Variants in EXOC4 observed in about 807,000 individuals in gnomAD.
The protein encoded by EXOC4 is exocyst complex component 4.
A neutral mutation model predicts 107.2 loss-of-function variants in EXOC4; 71 were observed. That is an observed-to-expected ratio of 0.66 (90% CI 0.55 to 0.81). EXOC4 has a LOEUF of 0.81. Among genes scored for constraint, EXOC4 ranks in the 30% least tolerant of loss-of-function variants. The probability of loss-of-function intolerance (pLI) is 0.00; values close to 1 mark genes in which losing one functional copy is unlikely to be tolerated. For synonymous variants in EXOC4, 456 were observed against 441.2 expected (o/e 1.03, Z -0.42); for missense variants, 1,108 against 1,189.6 (o/e 0.93, Z 1.01).
chr7:133,448,889 G>A (rs1328043969), intron 7 of EXOC4, among the ~76,000 whole-genome samples: 1 of 152,126 alleles, frequency 6.6e-6, no homozygotes, highest in Non-Finnish European at 1.5e-5. Flanking sequence ...TGGATCACTT[G>A]AGGTCAAGAG....
At chr7:133,606,782 C>G (rs1338173034) in intron 9 of EXOC4, among the ~76,000 whole-genome samples, 1 of 152,046 alleles carries the variant, frequency 6.6e-6, no homozygotes, top group African/African-American at 2.4e-5. Context: ...TCCCAAAGTG[C>G]TAGGATTATA....
intron 10 of EXOC4, among the ~76,000 whole-genome samples, chr7:133,680,448 C>T (rs138324201): frequency 1.3e-5 from 2 of 152,246 alleles, no homozygotes; most frequent in African/African-American, 2.4e-5. Context: ...ACATAAATCT[C>T]CAGAAAAGCT....
At chr7:133,802,421 A>G (rs972780821) in intron 10 of EXOC4, among the ~76,000 whole-genome samples, 2 of 152,216 alleles carry the variant, frequency 1.3e-5, no homozygotes, top group Non-Finnish European at 2.9e-5. Context: ...CACAGCTTAC[A>G]TATGGTCAGT....
At chr7:133,688,526 C>G (rs945957641) in intron 10 of EXOC4, among the ~76,000 whole-genome samples, 2 of 152,050 alleles carry the variant, frequency 1.3e-5, no homozygotes, top group African/African-American at 4.8e-5. Flanking sequence ...TTATATTAGT[C>G]ATTAGTATTC....
chr7:133,742,597 G>C (rs1795589030), intron 10 of EXOC4, among the ~76,000 whole-genome samples: 2 of 152,156 alleles, frequency 1.3e-5, no homozygotes, highest in Non-Finnish European at 2.9e-5. Flanking sequence ...ATATCCTGCA[G>C]CAAGAAAACC....
intron 14 of EXOC4, among the ~76,000 whole-genome samples, chr7:133,976,603 A>G (rs554213525): frequency 3.3e-5 from 5 of 152,322 alleles, no homozygotes; most frequent in Admixed American, 6.5e-5. Flanking sequence ...AGGAGCCAAC[A>G]TGGTTCACAA....
chr7:133,482,777 A>T (rs1799186316), intron 9 of EXOC4, among the ~76,000 whole-genome samples: 1 of 152,204 alleles, frequency 6.6e-6, no homozygotes, highest in Admixed American at 6.5e-5. Context: ...CATATAGTGA[A>T]TGCTATGCCT....
At chr7:133,288,840 C>A in intron 2 of EXOC4, 82 bp from the exon 3 acceptor site, 1 of 1,104,282 alleles carries the variant, frequency 9.1e-7, no homozygotes, top group Non-Finnish European at 1.3e-6. Context: ...TACAGTAGTA[C>A]CAGTGAAGAC....
chr7:133,695,871 G>A (rs1794523485), intron 10 of EXOC4, among the ~76,000 whole-genome samples: 1 of 152,128 alleles, frequency 6.6e-6, no homozygotes, highest in African/African-American at 2.4e-5. Context: ...AAAAGCCAAG[G>A]GGACCATCCA....
At chr7:134,086,552 C>G in the EXOC4 span, among the ~76,000 whole-genome samples, 3 of 152,128 alleles carry the variant, frequency 2.0e-5, no homozygotes, top group Non-Finnish European at 2.9e-5. Context: ...TTTAGTAATG[C>G]ATGCTGTACC....
intron 5 of EXOC4, among the ~76,000 whole-genome samples, chr7:133,347,979 C>G (rs2150639779): frequency 6.6e-6 from 1 of 152,276 alleles, no homozygotes; most frequent in East Asian, 1.9e-4. Flanking sequence ...CTAAAACCTA[C>G]ACGTTGAGTA....
chr7:133,488,797 T>G (rs1338555261), intron 9 of EXOC4, among the ~76,000 whole-genome samples: 1 of 151,956 alleles, frequency 6.6e-6, no homozygotes, highest in Non-Finnish European at 1.5e-5. Context: ...TAGAATACTA[T>G]GTAGCAATGA....
chr7:133,585,490 G>C (rs889615828), intron 9 of EXOC4, among the ~76,000 whole-genome samples: 1 of 152,062 alleles, frequency 6.6e-6, no homozygotes, highest in Non-Finnish European at 1.5e-5. Context: ...GGCCAGGGGT[G>C]GTGGCGCACA....
At chr7:134,055,335 T>C (rs1279946905) in intron 17 of EXOC4, among the ~76,000 whole-genome samples, 2 of 152,202 alleles carry the variant, frequency 1.3e-5, no homozygotes, top group African/African-American at 4.8e-5. Context: ...TGGGTTGCAG[T>C]GAACTCTCCA....
chr7:133,276,473 A>T (rs181405795), intron 2 of EXOC4, among the ~76,000 whole-genome samples: 2 of 152,126 alleles, frequency 1.3e-5, no homozygotes, highest in East Asian at 3.9e-4. Flanking sequence ...TAGAATTTAA[A>T]CTCTAATCTC....
chr7:133,902,022 A>C (rs987565479), intron 12 of EXOC4, among the ~76,000 whole-genome samples: 2 of 152,228 alleles, frequency 1.3e-5, no homozygotes, highest in Admixed American at 1.3e-4. Flanking sequence ...GTCAGTTAGG[A>C]AAGGATCATG....
intron 10 of EXOC4, among the ~76,000 whole-genome samples, chr7:133,713,007 A>T (rs1164212683): frequency 6.6e-6 from 1 of 152,250 alleles, no homozygotes; most frequent in South Asian, 2.1e-4. Flanking sequence ...CTTTGGAGTG[A>T]CGGAAATGTT....
At chr7:134,095,761 T>G in the EXOC4 span, among the ~76,000 whole-genome samples, 2 of 152,190 alleles carry the variant, frequency 1.3e-5, no homozygotes, top group Non-Finnish European at 2.9e-5. Flanking sequence ...GATAACTGGA[T>G]AGCCATACGT....
chr7:133,363,299 T>C (rs115204263), intron 6 of EXOC4, among the ~76,000 whole-genome samples: 1,886 of 152,312 alleles, frequency 0.012, 30 homozygotes, highest in African/African-American at 0.043. Context: ...TAATTTTTTT[T>C]ACATATGGGA....
Sources: gnomAD v4.1 joint callset for allele counts (sites outside exome capture counted in the v4.1 genomes callset) on GRCh38, gnomAD v4.1.1 for gene constraint, MANE v1.5 for transcripts, NCBI Gene and HGNC (gene_info 2026-07-23, HGNC 2026-07-21) for gene names.